Variants in CCBE1 observed in about 807,000 individuals in gnomAD.
The protein encoded by CCBE1 is collagen and calcium-binding EGF domain-containing protein 1.
A neutral mutation model predicts 50.0 loss-of-function variants in CCBE1; 37 were observed. The ratio of observed to expected loss-of-function variants is 0.74; its 90% CI spans 0.57 to 0.97. The LOEUF (loss-of-function observed/expected upper bound fraction) is 0.97. CCBE1 is among the 50% of genes least tolerant of loss of function. The pLI is 0.00. For synonymous variants in CCBE1, 234 were observed against 203.7 expected (o/e 1.15, Z -1.27); for missense variants, 538 against 523.8 (o/e 1.03, Z -0.26).
chr18:59,524,340 C>T (rs570862763), intron 2 of CCBE1, among the ~76,000 whole-genome samples: 25 of 152,054 alleles, frequency 1.6e-4, no homozygotes, highest in East Asian at 7.7e-4. Context: ...CAAAACAAAA[C>T]GAAAAACCCT....
intron 5 of CCBE1, among the ~76,000 whole-genome samples, chr18:59,455,920 C>T (rs934032205): frequency 3.9e-5 from 6 of 152,228 alleles, no homozygotes; most frequent in African/African-American, 7.2e-5. Flanking sequence ...ATAATAACCA[C>T]GACTATCTAG....
rs139489339 is a variant in CCBE1, at chr18:59,486,037, A to G, written c.213-5799T>C. 7.9e-3 allele frequency among the ~76,000 whole-genome samples: 1,201 copies of G among 152,142 alleles called. 21 individuals are homozygous for G. Among genetic ancestry groups the G allele is most frequent in the African/African-American group, 0.028 (1,142 of 41,506 alleles). On this transcript the variant is annotated intron_variant, in intron 2 of 10. Transcript: ENST00000439986. ...TGTGGGCTAGAATTTTGGCTCTGAC[A>G]TTTACAGAGCTAGGGATTGCTTGCG...
At chr18:59,446,559 C>A (rs953938807) in intron 7 of CCBE1, among the ~76,000 whole-genome samples, 1 of 152,028 alleles carries the variant, frequency 6.6e-6, no homozygotes, top group Non-Finnish European at 1.5e-5. Context: ...GAGACTCAGG[C>A]TTGTGTTTGA....
Position 59,458,151 on chromosome 18 carries a change from T to A in CCBE1, c.554-3200A>T, listed in dbSNP as rs1217891181. 7.0e-3 allele frequency among the ~76,000 whole-genome samples: 899 copies of A among 127,594 alleles called. 3 individuals are homozygous for A. The highest frequency in any genetic ancestry group is 0.011 in the Non-Finnish European group (676 of 59,032). 83.7% of individuals were successfully genotyped at this position (127,594 alleles called of 152,430 possible). On this transcript the variant is annotated intron_variant, in intron 5 of 10. Transcript: ENST00000439986. ...ATCCATCCATCCATCCATCCATCTA[T>A]CCATCCATCCAACCATCCATCCATC...
intron 2 of CCBE1, among the ~76,000 whole-genome samples, chr18:59,624,126 T>C (rs2053747020): frequency 1.3e-5 from 2 of 152,266 alleles, no homozygotes; most frequent in South Asian, 4.1e-4. Flanking sequence ...TCTAGCTGCC[T>C]GCCCAATTTG....
intron 2 of CCBE1, among the ~76,000 whole-genome samples, chr18:59,670,154 C>CCTT (rs58454915): frequency 0.32 from 48,200 of 151,638 alleles, 7,845 homozygotes; most frequent in Non-Finnish European, 0.35. Flanking sequence ...GGAAGAGAAG[C>CCTT]ATGTGCCTTA....
chr18:59,540,746 A>G (rs1014410064), intron 2 of CCBE1, among the ~76,000 whole-genome samples: 6 of 152,182 alleles, frequency 3.9e-5, no homozygotes, highest in Non-Finnish European at 7.3e-5. Context: ...CTTTATTTCC[A>G]TATCATTTAC....
chr18:59,505,814 A>G (rs9319951), intron 2 of CCBE1, among the ~76,000 whole-genome samples: 86,588 of 152,098 alleles, frequency 0.57, 25,291 homozygotes, highest in African/African-American at 0.68. Context: ...AGGTTTGTAT[A>G]GGGGGTAAGA....
chr18:59,689,063 CA>C (rs1282571183), intron 2 of CCBE1, among the ~76,000 whole-genome samples: 3 of 152,176 alleles, frequency 2.0e-5, no homozygotes, highest in Non-Finnish European at 4.4e-5. Flanking sequence ...GCAATGCTTT[CA>C]AGACAAAAAC....
At chr18:59,635,177 A>G (rs999408977) in intron 2 of CCBE1, among the ~76,000 whole-genome samples, 1 of 152,238 alleles carries the variant, frequency 6.6e-6, no homozygotes, top group Non-Finnish European at 1.5e-5. Flanking sequence ...TTTTGCAGCT[A>G]CAAATGGAGG....
chr18:59,671,099 C>T (rs2054423730), intron 2 of CCBE1, among the ~76,000 whole-genome samples: 1 of 152,172 alleles, frequency 6.6e-6, no homozygotes, highest in Admixed American at 6.5e-5. Context: ...CTTTAATGAT[C>T]ATATTAAGGG....
intron 2 of CCBE1, among the ~76,000 whole-genome samples, chr18:59,504,488 A>G (rs150036631): frequency 1.4e-3 from 219 of 151,308 alleles, no homozygotes; most frequent in African/African-American, 5.1e-3. Flanking sequence ...GCTTGTGCCT[A>G]TATTTATACA....
chr18:59,535,081 A>C (rs1297214855), intron 2 of CCBE1, among the ~76,000 whole-genome samples: 1 of 152,242 alleles, frequency 6.6e-6, no homozygotes. Flanking sequence ...TAACAGAAAG[A>C]CTTGTGAAAA....
chr18:59,458,790 T>C (rs569799638), intron 5 of CCBE1, among the ~76,000 whole-genome samples: 1 of 152,236 alleles, frequency 6.6e-6, no homozygotes, highest in African/African-American at 2.4e-5. Context: ...CGGAGTGACC[T>C]GTTACATGCA....
intron 2 of CCBE1, among the ~76,000 whole-genome samples, chr18:59,548,995 C>T (rs547686596): frequency 1.3e-5 from 2 of 150,134 alleles, no homozygotes; most frequent in Admixed American, 1.3e-4. Flanking sequence ...CCCAACTACT[C>T]GGGAGGCTGA....
At chr18:59,460,926 C>T (rs1911434663) in intron 5 of CCBE1, among the ~76,000 whole-genome samples, 2 of 117,614 alleles carry the variant, frequency 1.7e-5, no homozygotes, top group African/African-American at 6.1e-5. Context: ...CAGAGGGAGA[C>T]TCTGTCTCAA....
At chr18:59,672,591 G>A (rs763749941) in intron 2 of CCBE1, among the ~76,000 whole-genome samples, 25 of 152,202 alleles carry the variant, frequency 1.6e-4, no homozygotes, top group Non-Finnish European at 3.2e-4. Context: ...ACACAAGAGT[G>A]AGGCCCTCTC....
At chr18:59,610,316 G>A (rs1439993303) in intron 2 of CCBE1, among the ~76,000 whole-genome samples, 2 of 152,058 alleles carry the variant, frequency 1.3e-5, no homozygotes, top group African/African-American at 4.8e-5. Context: ...CTTTTTTGCA[G>A]GTATTAAGAT....
chr18:59,585,893 T>G (rs763094655), intron 2 of CCBE1, among the ~76,000 whole-genome samples: 1 of 152,232 alleles, frequency 6.6e-6, no homozygotes, highest in Non-Finnish European at 1.5e-5. Flanking sequence ...CTACTATTTC[T>G]AAACCTGCTG....
Sources: allele counts gnomAD v4.1 joint callset (sites outside exome capture counted in the v4.1 genomes callset), GRCh38; gene constraint gnomAD v4.1.1; transcripts MANE v1.5; gene names NCBI Gene and HGNC (gene_info 2026-07-23, HGNC 2026-07-21).